NR2C2: variants seen among roughly 807,000 people sequenced by gnomAD.
NR2C2 encodes nuclear receptor subfamily 2 group C member 2.
A neutral mutation model predicts 62.9 loss-of-function variants in NR2C2; 6 were observed. The observed-to-expected ratio is 0.10, with a 90% CI of 0.05 to 0.19. NR2C2 has a LOEUF of 0.19. NR2C2 is among the 10% of genes least tolerant of loss of function. The pLI, the probability that NR2C2 is intolerant of heterozygous loss-of-function variation, is 1.00. For synonymous variants in NR2C2, 272 were observed against 273.8 expected (o/e 0.99, Z 0.07); for missense variants, 479 against 762.7 (o/e 0.63, Z 4.38).
chr3:14,971,662 T>G (rs1356824533), intron 1 of NR2C2, among the ~76,000 whole-genome samples: 2 of 151,672 alleles, frequency 1.3e-5, no homozygotes, highest in African/African-American at 4.9e-5. Context: ...GTTGTTTTGT[T>G]TTTTGATAAA....
intron 1 of NR2C2, among the ~76,000 whole-genome samples, chr3:14,987,875 T>A (rs2040554001): frequency 1.3e-5 from 2 of 152,202 alleles, no homozygotes; most frequent in African/African-American, 4.8e-5. Flanking sequence ...GTGTCTTGTG[T>A]TTTTATAAAA....
chr3:15,006,567 G>A (rs1349114490), intron 2 of NR2C2, among the ~76,000 whole-genome samples: 2 of 152,094 alleles, frequency 1.3e-5, no homozygotes, highest in Non-Finnish European at 2.9e-5. Context: ...AACCCTTGAA[G>A]GGATTCTCAT....
Position 15,032,413 on chromosome 3 carries a change from A to G in NR2C2, c.1145A>G (p.Asn382Ser). 1.2e-6 allele frequency: 2 copies of G among 1,614,176 alleles called. No homozygotes were observed. Among genetic ancestry groups the G allele is most frequent in the Non-Finnish European group, 1.7e-6 (2 of 1,180,020 alleles). ...TMPSPMPEYLNVHYICESASR... is the reference protein window; with the variant it reads ...TMPSPMPEYLSVHYICESASR... ...CCCAGTCCAATGCCAGAGTACCTCA[A>G]CGTGCACTACATCTGTGAGTCTGCA... is the stretch of plus-strand genomic sequence containing the variant. Residue 382 changes from asparagine to serine, a missense_variant, in exon 10 of 14, where the codon AAC becomes AGC. Physicochemically the swap from Asn to Ser is conservative, Grantham distance 46. Transcript: ENST00000425241.
intron 1 of NR2C2, among the ~76,000 whole-genome samples, chr3:14,988,932 C>T (rs771234122): frequency 2.0e-4 from 31 of 152,266 alleles, no homozygotes; most frequent in Non-Finnish European, 3.4e-4. Context: ...AATTTATTCT[C>T]AAATGTTTTC....
At chr3:15,017,475 C>T (rs2041543030) in intron 4 of NR2C2, among the ~76,000 whole-genome samples, 1 of 152,222 alleles carries the variant, frequency 6.6e-6, no homozygotes, top group African/African-American at 2.4e-5. Flanking sequence ...CTCTGTATTC[C>T]TGTCTTCTTG....
rs1174286459 is a variant in NR2C2, at chr3:15,034,748, C to A, written c.1311C>A (p.Val437=). 6.2e-7 allele frequency: 1 copy of A among 1,614,152 alleles called. No homozygotes were observed. Among genetic ancestry groups the A allele is most frequent in the African/African-American group, 1.3e-5 (1 of 75,054 alleles). ...FTLGLAQCAQ[V]MSLSTILAAI... ...TCGGCCTGGCCCAGTGTGCCCAGGTCATGAGTCTCTCCACCATCCTGGCTG... is the reference window on the plus strand; with the variant it reads ...TCGGCCTGGCCCAGTGTGCCCAGGTAATGAGTCTCTCCACCATCCTGGCTG... Residue 437 remains valine, a synonymous_variant, in exon 11 of 14, where the codon GTC becomes GTA. Coordinates refer to ENST00000425241, the MANE Select transcript of NR2C2 (RefSeq NM_001291694.2).
intron 11 of NR2C2, 23 bp downstream of exon 11, chr3:15,034,832 T>A: frequency 6.3e-7 from 1 of 1,597,338 alleles, no homozygotes; most frequent in Non-Finnish European, 8.5e-7. Flanking sequence ...GACTTGGGGC[T>A]GGGGTGTGTC....
chr3:15,003,882 C>T lies in NR2C2; in HGVS notation c.-33C>T. 6.2e-7 allele frequency: 1 copy of T among 1,608,858 alleles called. No homozygotes were observed. Among genetic ancestry groups the T allele is most frequent in the Admixed American group, 1.7e-5 (1 of 59,992 alleles). ...GCCCACTTCTCACCCACAGGTAACA[C>T]GTACACAGACCTCTCGGCCGGAATC... On this transcript the variant is annotated 5_prime_UTR_variant, in exon 2 of 14. It adds an upstream start codon to the 5' untranslated region. Transcript: ENST00000425241.
intron 1 of NR2C2, among the ~76,000 whole-genome samples, chr3:14,955,770 G>A (rs2039507190): frequency 6.6e-6 from 1 of 151,916 alleles, no homozygotes; most frequent in African/African-American, 2.4e-5. Context: ...TATGAAGAAA[G>A]TCCACATCAC....
chr3:15,034,508 T>C (rs2042056507), intron 10 of NR2C2, 162 bp from the exon 11 acceptor site: 2 of 604,844 alleles, frequency 3.3e-6, no homozygotes, highest in African/African-American at 1.9e-5. Context: ...GACTTATTCA[T>C]AGACTTCATC....
At chr3:15,011,504 A>G (rs2041352087) in intron 2 of NR2C2, among the ~76,000 whole-genome samples, 1 of 152,186 alleles carries the variant, frequency 6.6e-6, no homozygotes, top group South Asian at 2.1e-4. Context: ...AGCTGTGGGT[A>G]GGAAAGTTTT....
intron 1 of NR2C2, among the ~76,000 whole-genome samples, chr3:14,985,363 A>G (rs1024563082): frequency 5.9e-5 from 9 of 151,866 alleles, no homozygotes; most frequent in African/African-American, 2.2e-4. Flanking sequence ...CCAAGGTCAC[A>G]TTTTTCTCCT....
chr3:14,967,309 T>C, intron 1 of NR2C2, among the ~76,000 whole-genome samples: 1 of 152,110 alleles, frequency 6.6e-6, no homozygotes, highest in East Asian at 1.9e-4. Flanking sequence ...ACCAGCTTTT[T>C]GGTTTAATGG....
intron 1 of NR2C2, among the ~76,000 whole-genome samples, chr3:14,983,455 C>G (rs1245997958): frequency 2.5e-5 from 3 of 120,566 alleles, no homozygotes; most frequent in Non-Finnish European, 5.1e-5. Flanking sequence ...CTGGATTATA[C>G]TCTTTATACA....
chr3:15,005,519 C>CT (rs574293033), intron 2 of NR2C2, among the ~76,000 whole-genome samples: 29,949 of 114,060 alleles, frequency 0.26, 4,970 homozygotes, highest in African/African-American at 0.46. Context: ...GCGTGGCCAA[C>CT]TTTTTTTTTT....
intron 13 of NR2C2, chr3:15,042,316 G>GA (rs1226465931): frequency 2.6e-5 from 4 of 152,246 alleles, no homozygotes; most frequent in Admixed American, 2.0e-4. Flanking sequence ...CAAAAAATAA[G>GA]AAAAAATCAC....
At chr3:15,022,545 A>G (rs572104377) in intron 5 of NR2C2, among the ~76,000 whole-genome samples, 1 of 151,764 alleles carries the variant, frequency 6.6e-6, no homozygotes, top group East Asian at 1.9e-4. Flanking sequence ...AGCTGGGATT[A>G]CAGGTGCCTG....
chr3:14,990,625 C>G (rs2040643061), intron 1 of NR2C2, among the ~76,000 whole-genome samples: 1 of 152,148 alleles, frequency 6.6e-6, no homozygotes, highest in Non-Finnish European at 1.5e-5. Context: ...GTTGGACTCT[C>G]TTTGGCCTGG....
At chr3:15,020,971 G>A in intron 5 of NR2C2, 39 bp downstream of exon 5, 1 of 1,581,102 alleles carries the variant, frequency 6.3e-7, no homozygotes, top group Non-Finnish European at 8.7e-7. Flanking sequence ...AGTTAATGTG[G>A]AGGGAGACAG....
Sources: allele counts gnomAD v4.1 joint callset (sites outside exome capture counted in the v4.1 genomes callset), GRCh38; gene constraint gnomAD v4.1.1; transcripts MANE v1.5; gene names NCBI Gene and HGNC (gene_info 2026-07-23, HGNC 2026-07-21).